AFAP1L1: variants seen among roughly 807,000 people sequenced by gnomAD.
AFAP1L1 encodes the protein actin filament associated protein 1 like 1.
Under a neutral mutation model 99.8 loss-of-function variants are expected in AFAP1L1, and 77 were observed. The observed-to-expected ratio is 0.77, with a 90% CI of 0.64 to 0.93. The LOEUF is 0.93. Ranked by LOEUF, AFAP1L1 falls within the 40% of genes least tolerant of loss-of-function variation. AFAP1L1 has a pLI of 0.00. For synonymous variants in AFAP1L1, 373 were observed against 395.3 expected, an observed-to-expected ratio of 0.94 and a Z score of 0.67; for missense variants, 893 against 996.8, an observed-to-expected ratio of 0.90 and a Z score of 1.40.
chr5:149,329,682 G>A lies in AFAP1L1; in HGVS notation c.1827G>A (p.Lys609=). Residue 609 remains lysine (K), a synonymous_variant, in exon 16 of 19, where the codon AAG becomes AAA. Coordinates refer to ENST00000296721, the MANE Select transcript of AFAP1L1 (RefSeq NM_152406.4). Reference sequence around the variant, plus strand: ...TCTCTGCAGGTGCCAATCAATACAAGTATGGCAAGAACCGAGCCGAGGAGG... The same window carrying A: ...TCTCTGCAGGTGCCAATCAATACAAATATGGCAAGAACCGAGCCGAGGAGG... ...KRHASSANQY[K]YGKNRAEEDA... is the part of the protein sequence containing the mutation. The A allele has an allele frequency of 1.2e-6, 2 of 1,613,672 alleles. No individual in the cohort carries two copies. Among genetic ancestry groups the A allele is most frequent in the Non-Finnish European group, 1.7e-6 (2 of 1,179,828 alleles).
intron 18 of AFAP1L1, among the ~76,000 whole-genome samples, chr5:149,337,865 G>C (rs1245251082): frequency 6.6e-6 from 1 of 152,142 alleles, no homozygotes; most frequent in African/African-American, 2.4e-5. Flanking sequence ...TGACCCAAAT[G>C]ATGGGAAAGG....
chr5:149,325,313 CAG>C (rs1757065440), intron 15 of AFAP1L1, among the ~76,000 whole-genome samples: 1 of 152,188 alleles, frequency 6.6e-6, no homozygotes, highest in Non-Finnish European at 1.5e-5. Flanking sequence ...GACAAGAAAA[CAG>C]GGCTCCTTCT....
At chr5:149,328,304 G>A (rs139240487) in intron 15 of AFAP1L1, among the ~76,000 whole-genome samples, 34 of 152,122 alleles carry the variant, frequency 2.2e-4, no homozygotes, top group African/African-American at 6.0e-4. Flanking sequence ...AGCTGTGTGC[G>A]CCTCTGTATA....
At chr5:149,290,000 G>T (rs935277088) in intron 1 of AFAP1L1, among the ~76,000 whole-genome samples, 1 of 152,234 alleles carries the variant, frequency 6.6e-6, no homozygotes, top group Admixed American at 6.5e-5. Context: ...TTGGGAGGCC[G>T]AGGCGGGTGG....
chr5:149,286,642 G>A (rs1056901286), intron 1 of AFAP1L1, among the ~76,000 whole-genome samples: 19 of 152,142 alleles, frequency 1.2e-4, no homozygotes, highest in African/African-American at 4.3e-4. Context: ...GGAAGTGGGA[G>A]GTAAGAGGAT....
At chr5:149,328,612 C>G (rs1167911964) in intron 15 of AFAP1L1, among the ~76,000 whole-genome samples, 1 of 152,134 alleles carries the variant, frequency 6.6e-6, no homozygotes, top group African/African-American at 2.4e-5. Context: ...AGTTCGAGAA[C>G]AGCCTGACCA....
At chr5:149,284,484 GA>G (rs1204311836) in intron 1 of AFAP1L1, among the ~76,000 whole-genome samples, 23 of 152,136 alleles carry the variant, frequency 1.5e-4, no homozygotes, top group Non-Finnish European at 3.4e-4. Context: ...TCAACTTTTT[GA>G]AAAAAGAAAG....
intron 1 of AFAP1L1, among the ~76,000 whole-genome samples, chr5:149,296,413 C>T (rs2127593059): frequency 6.6e-6 from 1 of 152,226 alleles, no homozygotes; most frequent in East Asian, 1.9e-4. Context: ...CAGCCCAGTG[C>T]ACCCCTGAGC....
intron 16 of AFAP1L1, among the ~76,000 whole-genome samples, chr5:149,331,124 T>C (rs1053604145): frequency 3.3e-5 from 5 of 152,132 alleles, no homozygotes; most frequent in African/African-American, 1.2e-4. Flanking sequence ...AAGGTACTAA[T>C]ATAGGTTTGT....
At chr5:149,314,553 CTCTA>C (rs780852938) in intron 9 of AFAP1L1, among the ~76,000 whole-genome samples, 6 of 152,144 alleles carry the variant, frequency 3.9e-5, no homozygotes, top group African/African-American at 9.7e-5. Flanking sequence ...TTTGTATTTG[CTCTA>C]TCTGATGAAA....
chr5:149,291,266 C>T (rs577534768), intron 1 of AFAP1L1, among the ~76,000 whole-genome samples: 10 of 152,162 alleles, frequency 6.6e-5, no homozygotes, highest in African/African-American at 1.9e-4. Flanking sequence ...GGGTGCCTCA[C>T]GCCTGTAATC....
chr5:149,290,657 C>T (rs1755822899), intron 1 of AFAP1L1, among the ~76,000 whole-genome samples: 1 of 152,088 alleles, frequency 6.6e-6, no homozygotes. Flanking sequence ...CATTTGGGAG[C>T]CTAGCCAAGT....
At chr5:149,288,152 T>C (rs745916401) in intron 1 of AFAP1L1, among the ~76,000 whole-genome samples, 25 of 152,290 alleles carry the variant, frequency 1.6e-4, no homozygotes, top group Middle Eastern at 3.4e-3. Context: ...AGTTGGGGAA[T>C]GGTCAGAGGA....
intron 8 of AFAP1L1, among the ~76,000 whole-genome samples, chr5:149,311,324 G>A (rs1020916918): frequency 1.3e-5 from 2 of 152,174 alleles, no homozygotes; most frequent in East Asian, 1.9e-4. Context: ...GTCGGCAGAC[G>A]AATCCCTAGA....
intron 1 of AFAP1L1, among the ~76,000 whole-genome samples, chr5:149,297,302 G>C (rs1756048935): frequency 6.6e-6 from 1 of 152,062 alleles, no homozygotes; most frequent in Non-Finnish European, 1.5e-5. Context: ...CTTTCGCCTG[G>C]GCTCTGGAGG....
At chr5:149,325,308 G>A (rs952085947) in intron 15 of AFAP1L1, among the ~76,000 whole-genome samples, 4 of 152,158 alleles carry the variant, frequency 2.6e-5, no homozygotes, top group African/African-American at 9.7e-5. Flanking sequence ...GTCTGGACAA[G>A]AAAACAGGGC....
Position 149,319,596 on chromosome 5 carries a change from G to A in AFAP1L1, c.1494G>A (p.Glu498=). The change falls in exon 13 of 19, where the codon GAG becomes GAA. Residue 498 remains glutamate, a synonymous_variant. Transcript: ENST00000296721. ...EVAILEASCS[E]DMGRWLGLLL... The stretch of plus-strand genomic sequence containing the variant: ...CTGTCCTTCAGGCAAGCTGTTCAGA[G>A]GACATGGGTCGCTGGCTCGGGCTGC... The A allele has an allele frequency of 6.2e-7, 1 of 1,612,076 alleles. No individual in the cohort carries two copies. Among genetic ancestry groups the A allele is most frequent in the Non-Finnish European group, 8.5e-7 (1 of 1,179,030 alleles).
At chr5:149,302,322 C>CCTCCTGCCTTCTGCGAG in intron 4 of AFAP1L1, 96 bp from the exon 5 acceptor site, 1 of 770,432 alleles carries the variant, frequency 1.3e-6, no homozygotes, top group Admixed American at 2.8e-5. Flanking sequence ...ATTCACACTG[C>CCTCCTGCCTTCTGCGAG]CTCCTGCCTT....
chr5:149,273,635 AT>A (rs1326118545), intron 1 of AFAP1L1, among the ~76,000 whole-genome samples: 1 of 152,114 alleles, frequency 6.6e-6, no homozygotes, highest in Non-Finnish European at 1.5e-5. Flanking sequence ...CTGTTAACTG[AT>A]TTCTAGGCAA....
Sources: gnomAD v4.1 joint callset for allele counts (sites outside exome capture counted in the v4.1 genomes callset) on GRCh38, gnomAD v4.1.1 for gene constraint, MANE v1.5 for transcripts, NCBI Gene and HGNC (gene_info 2026-07-23, HGNC 2026-07-21) for gene names.